The following HTR3B variants were observed in gnomAD, a reference collection of about 807,000 sequenced individuals.
HTR3B encodes 5-hydroxytryptamine (serotonin) receptor 3B, ionotropic.
HTR3B carries 44 observed loss-of-function variants against 42.8 expected under a neutral mutation model. The ratio of observed to expected loss-of-function variants is 1.03; its 90% CI spans 0.81 to 1.32. HTR3B has a LOEUF of 1.32. Among genes scored for constraint, HTR3B ranks in the 40% most tolerant of loss-of-function variants. The probability of loss-of-function intolerance (pLI) is 0.00; values close to 1 mark genes in which losing one functional copy is unlikely to be tolerated. For synonymous variants in HTR3B, 203 were observed against 209.0 expected, an observed-to-expected ratio of 0.97 and a Z score of 0.25; for missense variants, 527 against 536.5, an observed-to-expected ratio of 0.98 and a Z score of 0.17.
chr11:113,932,524 C>A, intron 5 of HTR3B, 66 bp downstream of exon 5: 1 of 1,245,366 alleles, frequency 8.0e-7, no homozygotes, highest in Non-Finnish European at 1.1e-6. Context: ...ATTATACTAT[C>A]CTTCAGGTCT....
At chr11:113,933,416 A>G (rs188451619) in intron 6 of HTR3B, among the ~76,000 whole-genome samples, 3 of 152,304 alleles carry the variant, frequency 2.0e-5, no homozygotes, top group African/African-American at 7.2e-5. Context: ...CTACTCAGAA[A>G]AAACACAGAC....
At chr11:113,944,823 G>A in intron 8 of HTR3B, 68 bp downstream of exon 8, 3 of 1,491,796 alleles carry the variant, frequency 2.0e-6, no homozygotes, top group Non-Finnish European at 2.8e-6. Flanking sequence ...TCCCGTTGAT[G>A]ATGTACTAGG....
At position 113,932,173 on chromosome 11, in the gene HTR3B, T is replaced by C. The variant is rs1203104282; in HGVS notation, c.369-116T>C. ...CATCTCATGGAAAATGCGATTCTGT[T>C]TTGCAGGGCTAGGCTGGTCCTGGAC... On this transcript the variant is annotated intron_variant, in intron 4 of 8. Transcript: ENST00000260191. 6.1e-6 allele frequency: 5 copies of C among 820,484 alleles called. No individual in the cohort carries two copies. In the East Asian group the frequency reaches 1.2e-4, roughly 20 times the overall value. The allele number at this position is 820,484 out of a possible 1,614,324, so 50.8% of individuals were successfully genotyped here. A position where few individuals can be genotyped will look rare whatever the true frequency, so the allele number is the denominator to read the frequency against.
chr11:113,905,713 G>A (rs536379198), intron 1 of HTR3B, among the ~76,000 whole-genome samples: 10 of 152,150 alleles, frequency 6.6e-5, no homozygotes, highest in Middle Eastern at 3.4e-3. Context: ...TGATTATGCT[G>A]GTGTTCTCAA....
Position 113,933,064 on chromosome 11 carries a change from G to A in HTR3B, c.667G>A (p.Ala223Thr), listed in dbSNP as rs145224778. The A allele has an allele frequency of 2.0e-4, 321 of 1,614,048 alleles. 1 individual carries two copies. The African/African-American group carries it at 3.3e-3, about 17-fold the overall frequency. Residue 223 changes from alanine to threonine, a missense_variant, in exon 6 of 9, where the codon GCT becomes ACT. Ala to Thr is a moderately conservative substitution (Grantham distance 58). Transcript: ENST00000260191. Reference protein sequence around the residue: ...SSTYSILQSSAGGFAQIQFNV... With the variant: ...SSTYSILQSSTGGFAQIQFNV... ...CACATACAGCATCCTGCAGAGCAGC[G>A]CTGGAGGATTTGCACAGATTCAGTT... is the stretch of plus-strand genomic sequence containing the variant.
At chr11:113,926,227 T>C (rs978788787) in intron 2 of HTR3B, among the ~76,000 whole-genome samples, 2 of 152,174 alleles carry the variant, frequency 1.3e-5, no homozygotes, top group Non-Finnish European at 2.9e-5. Flanking sequence ...GTATAATCGA[T>C]TGTATGGATA....
upstream of HTR3B, among the ~76,000 whole-genome samples, chr11:113,903,447 T>G (rs1425107169): frequency 1.6e-5 from 2 of 121,332 alleles, no homozygotes; most frequent in African/African-American, 6.7e-5. Flanking sequence ...TTTTTTTTTT[T>G]GAGGCGGAGT....
chr11:113,928,605 T>C (rs1565562452), intron 2 of HTR3B, among the ~76,000 whole-genome samples: 3 of 152,172 alleles, frequency 2.0e-5, no homozygotes, highest in Admixed American at 1.3e-4. Context: ...TGGCACAATC[T>C]TGGCTCACTG....
chr11:113,940,187 T>C (rs984761960), intron 6 of HTR3B, among the ~76,000 whole-genome samples: 3 of 152,168 alleles, frequency 2.0e-5, no homozygotes, highest in African/African-American at 7.2e-5. Context: ...ACACCTGGCC[T>C]GTCCCCTTGA....
Position 113,933,099 on chromosome 11 carries a change from T to C in HTR3B, c.696+6T>C. 4 of 1,611,462 alleles carry C rather than the reference T, an allele frequency of 2.5e-6. No homozygotes were observed. Among genetic ancestry groups the C allele is most frequent in the Non-Finnish European group, 3.4e-6 (4 of 1,178,356 alleles). On this transcript the variant is annotated splice_donor_region_variant and intron_variant, in intron 6 of 8. Transcript: ENST00000260191. ...TTGCACAGATTCAGTTTAATGTAGGTTCTTTACTACCTGTCCCCGTTGCCC... is the reference window on the plus strand; with the variant it reads ...TTGCACAGATTCAGTTTAATGTAGGCTCTTTACTACCTGTCCCCGTTGCCC...
At chr11:113,918,726 G>T (rs1949881663) in intron 2 of HTR3B, among the ~76,000 whole-genome samples, 1 of 148,716 alleles carries the variant, frequency 6.7e-6, no homozygotes, top group Non-Finnish European at 1.5e-5. Context: ...GCCCAGTCTT[G>T]GCTCGCTGCA....
At position 113,946,766 on chromosome 11, in the gene HTR3B, G is replaced by A. The variant is rs1408004696; in HGVS notation, c.*629G>A. Among the ~76,000 whole-genome samples, 1 of 152,168 alleles carries A rather than the reference G, an allele frequency of 6.6e-6. No homozygotes were observed. The highest frequency in any genetic ancestry group is 1.5e-5 in the Non-Finnish European group (1 of 68,042). On this transcript the variant is annotated 3_prime_UTR_variant, in exon 9 of 9. Coordinates refer to ENST00000260191, the MANE Select transcript of HTR3B (RefSeq NM_006028.5). ...AGGCACACACATGCATCTATGTATG[G>A]TTAAGCAGTTTTTTAAAAAGTGTAA... is the stretch of plus-strand genomic sequence containing the variant.
chr11:113,914,448 G>A (rs988090806), intron 2 of HTR3B, among the ~76,000 whole-genome samples: 4 of 150,182 alleles, frequency 2.7e-5, no homozygotes, highest in Middle Eastern at 3.2e-3. Flanking sequence ...TAGGCAACAA[G>A]AGCGATACTC....
In HTR3B at chr11:113,944,652, T is replaced by A; in HGVS notation, c.987T>A (p.Asp329Glu). ...KSIVLVKFLH[D>E]EQRGGQEQPF... ...TCGTGTTGGTCAAATTCCTCCATGATGAGCAGCGTGGTGGACAGGAGCAGC... is the reference window on the plus strand; with the variant it reads ...TCGTGTTGGTCAAATTCCTCCATGAAGAGCAGCGTGGTGGACAGGAGCAGC... The change falls in exon 8 of 9, where the codon GAT becomes GAA. Residue 329 changes from aspartate to glutamate, a missense_variant. Coordinates refer to ENST00000260191, the MANE Select transcript of HTR3B (RefSeq NM_006028.5). 6.2e-7 allele frequency: 1 copy of A among 1,613,956 alleles called. No individual in the cohort carries two copies. The highest frequency in any genetic ancestry group is 1.3e-5 in the African/African-American group (1 of 75,046).
At chr11:113,900,082 A>G (rs773590469), upstream of HTR3B, among the ~76,000 whole-genome samples, 2 of 151,938 alleles carry the variant, frequency 1.3e-5, no homozygotes, top group Non-Finnish European at 2.9e-5. Context: ...GCCTGGTGAA[A>G]CCCTGTATCT....
At chr11:113,916,168 T>C (rs771314031) in intron 2 of HTR3B, among the ~76,000 whole-genome samples, 50 of 152,216 alleles carry the variant, frequency 3.3e-4, no homozygotes, top group Admixed American at 7.2e-4. Flanking sequence ...TTGTAGTAGG[T>C]TTGCTGTAGT....
At position 113,932,455 on chromosome 11, in the gene HTR3B, A is replaced by G; in HGVS notation, c.535A>G (p.Thr179Ala). The G allele has an allele frequency of 1.9e-6, 3 of 1,612,850 alleles. No homozygotes were observed. The highest frequency in any genetic ancestry group is 2.5e-6 in the Non-Finnish European group (3 of 1,179,010). The change falls in exon 5 of 9, where the codon ACA becomes GCA. Residue 179 changes from threonine to alanine, a missense_variant. Physicochemically the swap from Thr to Ala is moderately conservative, Grantham distance 58. Transcript: ENST00000260191. ...CSLTFKSILH[T>A]VEDVDLAFLR... The stretch of plus-strand genomic sequence containing the variant: ...CCTGACCTTCAAGAGCATTCTGCAT[A>G]CAGGTAAACCATGAGAGATACCCAT...
At chr11:113,931,016 TGATTACAAA>T (rs1190911394) in intron 2 of HTR3B, among the ~76,000 whole-genome samples, 1 of 152,238 alleles carries the variant, frequency 6.6e-6, no homozygotes, top group Non-Finnish European at 1.5e-5. Flanking sequence ...AATAATATCT[TGATTACAAA>T]TCAAAGCTTG....
At chr11:113,929,722 C>T (rs1387331472) in intron 2 of HTR3B, among the ~76,000 whole-genome samples, 1 of 151,926 alleles carries the variant, frequency 6.6e-6, no homozygotes, top group Non-Finnish European at 1.5e-5. Flanking sequence ...AAGTCTCTCA[C>T]CCATTTTTAT....
Sources: allele counts gnomAD v4.1 joint callset (sites outside exome capture counted in the v4.1 genomes callset), GRCh38; gene constraint gnomAD v4.1.1; transcripts MANE v1.5; gene names NCBI Gene and HGNC (gene_info 2026-07-23, HGNC 2026-07-21).